PRKN: variants seen among roughly 807,000 people sequenced by gnomAD.
PRKN encodes the protein parkin RBR E3 ubiquitin protein ligase.
PRKN carries 56 observed loss-of-function variants against 59.5 expected under a neutral mutation model. That is an observed-to-expected ratio of 0.94 (90% confidence interval 0.76 to 1.18). The LOEUF is 1.18. Among genes scored for constraint, PRKN ranks in the 50% most tolerant of loss-of-function variants. The pLI, the probability that PRKN is intolerant of heterozygous loss-of-function variation, is 0.00. For missense variants in PRKN, 657 were observed against 596.4 expected, an observed-to-expected ratio of 1.10 and a Z score of -1.06; for synonymous variants, 250 against 222.1, an observed-to-expected ratio of 1.13 and a Z score of -1.12.
chr6:161,946,412 ACACTCTCTCT>A lies in PRKN; in HGVS notation c.734+26880_734+26889del, dbSNP rs751825305. Among the ~76,000 whole-genome samples, 907 of 94,218 alleles carry A rather than the reference ACACTCTCTCT, an allele frequency of 9.6e-3. 10 individuals carry two copies. The highest frequency in any genetic ancestry group is 0.022 in the African/African-American group (701 of 31,188). 61.8% of individuals were successfully genotyped at this position (94,218 alleles called of 152,430 possible). ...CACACACACACACACACACACACAC[ACACTCTCTCT>A]CTCTCTCTCTCTCTCTCTCTCTCTC... On this transcript the variant is annotated intron_variant, in intron 6 of 11. Transcript: ENST00000366898.
chr6:162,532,818 T>C (rs562624152), intron 1 of PRKN, among the ~76,000 whole-genome samples: 5 of 152,340 alleles, frequency 3.3e-5, no homozygotes, highest in African/African-American at 9.6e-5. Context: ...TCTCCTACTG[T>C]AGACGTCACT....
At chr6:162,453,208 A>G (rs144436518) in intron 1 of PRKN, among the ~76,000 whole-genome samples, 1 of 152,264 alleles carries the variant, frequency 6.6e-6, no homozygotes, top group Non-Finnish European at 1.5e-5. Context: ...CTCAGGGAGT[A>G]AGAGACCCTG....
chr6:162,293,586 G>A (rs114603140), intron 2 of PRKN, among the ~76,000 whole-genome samples: 243 of 152,246 alleles, frequency 1.6e-3, no homozygotes, highest in African/African-American at 5.5e-3. Context: ...CCACTTTTTC[G>A]AGTGCTCTTC....
intron 4 of PRKN, among the ~76,000 whole-genome samples, chr6:162,111,723 G>A (rs1473175843): frequency 1.3e-5 from 2 of 151,870 alleles, no homozygotes; most frequent in Non-Finnish European, 2.9e-5. Context: ...AAAAGGTGGA[G>A]AAAAATTTTC....
rs1779115672 is a variant in PRKN at position 161,529,252 on chromosome 6, G to A, written c.1083+19602C>T. 1.3e-5 allele frequency among the ~76,000 whole-genome samples: 2 copies of A among 152,156 alleles called. No homozygotes were observed. The highest frequency in any genetic ancestry group is 2.9e-5 in the Non-Finnish European group (2 of 68,022). On this transcript the variant is annotated intron_variant, in intron 9 of 11. Transcript: ENST00000366898. This position sits in a 1 kb window ranked among gnomAD's most constrained non-coding sequence, Gnocchi z 4.4. ...TGCTGGAAGTGGATGCCTTAGGGAA[G>A]GTGAGAAGACAATGATGGGGATGAT...
At chr6:161,756,863 A>G (rs1425697899) in intron 7 of PRKN, among the ~76,000 whole-genome samples, 1 of 152,222 alleles carries the variant, frequency 6.6e-6, no homozygotes, top group Non-Finnish European at 1.5e-5. Flanking sequence ...ACAGAAATCA[A>G]GACAGTACGC....
chr6:161,885,251 C>T (rs895122183), intron 6 of PRKN, among the ~76,000 whole-genome samples: 1 of 152,088 alleles, frequency 6.6e-6, no homozygotes, highest in African/African-American at 2.4e-5. Flanking sequence ...CTGCCCAGGG[C>T]ATCTGAGTGA....
chr6:161,840,797 T>C (rs532251795), intron 6 of PRKN, among the ~76,000 whole-genome samples: 3 of 152,296 alleles, frequency 2.0e-5, no homozygotes, highest in South Asian at 2.1e-4. Context: ...ATTCTTTTTT[T>C]TGGCTACATG....
intron 7 of PRKN, among the ~76,000 whole-genome samples, chr6:161,739,785 T>G (rs1234542164): frequency 2.0e-5 from 3 of 152,218 alleles, no homozygotes; most frequent in Non-Finnish European, 4.4e-5. Context: ...GACGGAGTCT[T>G]GCTCTGTCCT....
chr6:162,605,877 G>A (rs573874762), intron 1 of PRKN, among the ~76,000 whole-genome samples: 1 of 152,122 alleles, frequency 6.6e-6, no homozygotes, highest in Non-Finnish European at 1.5e-5. Context: ...TCTATTTTAA[G>A]TATTCATATT....
intron 1 of PRKN, among the ~76,000 whole-genome samples, chr6:162,580,764 A>C (rs1780759703): frequency 6.6e-6 from 1 of 152,158 alleles, no homozygotes; most frequent in Non-Finnish European, 1.5e-5. Flanking sequence ...CACAAACAGC[A>C]AGGAGCTGGG....
At chr6:162,202,772 G>T (rs1173750483) in intron 3 of PRKN, among the ~76,000 whole-genome samples, 2 of 152,132 alleles carry the variant, frequency 1.3e-5, no homozygotes, top group African/African-American at 4.8e-5. Context: ...AAATGTTAAT[G>T]GAAATATTTG....
chr6:162,598,850 C>T (rs1267492586), intron 1 of PRKN, among the ~76,000 whole-genome samples: 2 of 75,998 alleles, frequency 2.6e-5, no homozygotes, highest in African/African-American at 1.3e-4. Flanking sequence ...GAGATTCTGT[C>T]ACCAAAAAAA....
At position 161,349,111 on chromosome 6, in the gene PRKN, G is replaced by C. The variant is rs966945271; in HGVS notation, c.*988C>G. ...TCTTCATTTTGGTAGTTCTGGAAAG[G>C]CTCCTCTTTAAAGATTCTGATTTAA... On this transcript the variant is annotated 3_prime_UTR_variant, in exon 12 of 12. Coordinates refer to ENST00000366898, the MANE Select transcript of PRKN (RefSeq NM_004562.3). The surrounding 1 kb of genome is among the most constrained non-coding windows in gnomAD (Gnocchi z 5.5). 3 of 222,184 alleles carry C rather than the reference G, an allele frequency of 1.4e-5. No individual in the cohort carries two copies. The highest frequency in any genetic ancestry group is 6.7e-5 in the African/African-American group (3 of 44,656). The allele number at this position is 222,184 out of a possible 1,614,324, so 13.8% of individuals were successfully genotyped here. A position where few individuals can be genotyped will look rare whatever the true frequency, so the allele number is the denominator to read the frequency against.
chr6:161,365,567 A>G (rs1364268755), intron 10 of PRKN, among the ~76,000 whole-genome samples: 5 of 152,260 alleles, frequency 3.3e-5, no homozygotes, highest in African/African-American at 7.2e-5. Flanking sequence ...GCAAATTTAT[A>G]TTAATATGCT....
chr6:162,342,269 C>T (rs1184956488), intron 2 of PRKN, among the ~76,000 whole-genome samples: 1 of 152,174 alleles, frequency 6.6e-6, no homozygotes, highest in East Asian at 1.9e-4. Context: ...CGTTTCCCTT[C>T]AACTTTCACT....
intron 9 of PRKN, among the ~76,000 whole-genome samples, chr6:161,486,077 CTATT>C (rs1791630341): frequency 6.6e-6 from 1 of 152,000 alleles, no homozygotes; most frequent in South Asian, 2.1e-4. Context: ...AACAGATAAA[CTATT>C]TATTTTTAAT....
chr6:162,151,828 G>A (rs1782285144), intron 4 of PRKN, among the ~76,000 whole-genome samples: 1 of 152,120 alleles, frequency 6.6e-6, no homozygotes, highest in African/African-American at 2.4e-5. Flanking sequence ...CATAGGGTAA[G>A]AAATCTTTTC....
intron 3 of PRKN, among the ~76,000 whole-genome samples, chr6:162,253,141 A>C (rs1779504918): frequency 6.6e-6 from 1 of 152,220 alleles, no homozygotes; most frequent in Non-Finnish European, 1.5e-5. Context: ...GAAACAAGAA[A>C]AATTATTTGC....
Sources: allele counts gnomAD v4.1 joint callset (sites outside exome capture counted in the v4.1 genomes callset), GRCh38; gene constraint gnomAD v4.1.1; non-coding constraint Gnocchi (gnomAD v3.1); transcripts MANE v1.5; gene names NCBI Gene and HGNC (gene_info 2026-07-23, HGNC 2026-07-21).